Variants in PTCH1 observed in about 807,000 individuals in gnomAD.
PTCH1 encodes the protein patched 1.
A neutral mutation model predicts 144.6 loss-of-function variants in PTCH1; 14 were observed. That is an observed-to-expected ratio of 0.10 (90% confidence interval 0.06 to 0.15). The LOEUF (loss-of-function observed/expected upper bound fraction) is 0.15, where lower values mean the gene tolerates loss of function less well. Among genes scored for constraint, PTCH1 ranks in the 10% least tolerant of loss-of-function variants. The pLI is 1.00. For missense variants in PTCH1, 1,623 were observed against 1,948.3 expected (o/e 0.83, Z 3.14); for synonymous variants, 833 against 793.6 (o/e 1.05, Z -0.83).
chr9:95,476,453 A>T lies in PTCH1; in HGVS notation c.1603-294T>A, dbSNP rs1841042590. ...AGTGGAGGGAGGTGATGGCTAAGTG[A>T]CAGACATCTCCAGAGAAGCAAATGC... On this transcript the variant is annotated intron_variant, in intron 11 of 23. Coordinates refer to ENST00000331920, the MANE Select transcript of PTCH1 (RefSeq NM_000264.5). This position sits in a 1 kb window ranked among gnomAD's most constrained non-coding sequence, Gnocchi z 4.6. Among the ~76,000 whole-genome samples, 1 of 152,214 alleles carries T rather than the reference A, an allele frequency of 6.6e-6. No individual in the cohort carries two copies. Among genetic ancestry groups the T allele is most frequent in the South Asian group, 2.1e-4 (1 of 4,834 alleles).
In PTCH1 at chr9:95,508,062, A is replaced by T. The variant is rs1368199768; in HGVS notation, c.201+99T>A. 4.5e-6 allele frequency: 7 copies of T among 1,566,832 alleles called. No homozygotes were observed. In the African/African-American group the frequency reaches 5.4e-5, roughly 12 times the overall value. ...GAGTGAGTGTGTGTGTGTGTGTGAG[A>T]GAGAGAGGAAGAGAGTGTGTGTGTT... On this transcript the variant is annotated intron_variant, in intron 1 of 23. Coordinates refer to ENST00000331920, the MANE Select transcript of PTCH1 (RefSeq NM_000264.5).
chr9:95,445,010 T>C lies in PTCH1; in HGVS notation c.*1383A>G, dbSNP rs1174685544. 1.3e-5 allele frequency: 2 copies of C among 152,170 alleles called. No homozygotes were observed. The highest frequency in any genetic ancestry group is 4.8e-5 in the African/African-American group (2 of 41,434). 9.4% of individuals were successfully genotyped at this position (152,170 alleles called of 1,614,324 possible). On this transcript the variant is annotated 3_prime_UTR_variant, in exon 24 of 24. Coordinates refer to ENST00000331920, the MANE Select transcript of PTCH1 (RefSeq NM_000264.5). ...AATGACGGGGAGGATGGAGACAATG[T>C]TTGGATTTACTTAGGAAGCACGTAC... is the stretch of plus-strand genomic sequence containing the variant.
chr9:95,514,948 G>C (rs1844300177), intron 1 of PTCH1, among the ~76,000 whole-genome samples: 1 of 152,178 alleles, frequency 6.6e-6, no homozygotes, highest in African/African-American at 2.4e-5. Flanking sequence ...AATTGAAACA[G>C]ATCATGGACT....
At chr9:95,504,899 G>C (rs1843442339) in intron 2 of PTCH1, among the ~76,000 whole-genome samples, 1 of 152,128 alleles carries the variant, frequency 6.6e-6, no homozygotes, top group African/African-American at 2.4e-5. Flanking sequence ...CACAGTGCTA[G>C]GGACATCATA....
At chr9:95,505,176 A>C (rs531905033) in intron 2 of PTCH1, among the ~76,000 whole-genome samples, 1 of 152,332 alleles carries the variant, frequency 6.6e-6, no homozygotes, top group Non-Finnish European at 1.5e-5. Flanking sequence ...CTTCACAAAC[A>C]AGGAGAGATT....
Position 95,507,486 on chromosome 9 carries a change from G to A in PTCH1, c.201+675C>T, listed in dbSNP as rs1843776879. The A allele has an allele frequency of 3.1e-6, 3 of 966,178 alleles. No homozygotes were observed. The African/African-American group carries it at 5.3e-5, about 17-fold the overall frequency. 59.9% of individuals were successfully genotyped at this position (966,178 alleles called of 1,614,324 possible). ...CCCGGCAGCTCCGCAGACTCGCACCGCGAATTTAAGGTGGCAATTTGTTTA... is the reference window on the plus strand; with the variant it reads ...CCCGGCAGCTCCGCAGACTCGCACCACGAATTTAAGGTGGCAATTTGTTTA... On this transcript the variant is annotated intron_variant, in intron 1 of 23. Coordinates refer to ENST00000331920, the MANE Select transcript of PTCH1 (RefSeq NM_000264.5).
chr9:95,456,454 C>T (rs780583526), intron 18 of PTCH1, 41 bp from the exon 19 acceptor site: 65 of 1,608,408 alleles, frequency 4.0e-5, no homozygotes, highest in Non-Finnish European at 5.3e-5. Flanking sequence ...GGGCAGGTCA[C>T]CCTCTGGGGC....
intron 2 of PTCH1, among the ~76,000 whole-genome samples, chr9:95,501,530 T>G (rs1843149093): frequency 7.4e-6 from 1 of 136,034 alleles, no homozygotes; most frequent in Non-Finnish European, 1.6e-5. Context: ...CAATTTCTTC[T>G]ATTTTTCTTA....
chr9:95,471,093 A>G (rs1262943464), intron 12 of PTCH1, among the ~76,000 whole-genome samples: 1 of 119,840 alleles, frequency 8.3e-6, no homozygotes, highest in Non-Finnish European at 1.8e-5. Context: ...AAAAAAAAAA[A>G]AGAAAGAAAG....
At position 95,474,152 on chromosome 9, in the gene PTCH1, G is replaced by A. The variant is rs754375016; in HGVS notation, c.1728+1882C>T. 8 of 450,776 alleles carry A rather than the reference G, an allele frequency of 1.8e-5. No individual in the cohort carries two copies. In the Middle Eastern group the frequency reaches 1.0e-3, roughly 57 times the overall value. 27.9% of individuals were successfully genotyped at this position (450,776 alleles called of 1,614,324 possible). On this transcript the variant is annotated intron_variant, in intron 12 of 23. Coordinates refer to ENST00000331920, the MANE Select transcript of PTCH1 (RefSeq NM_000264.5). Reference sequence around the variant, plus strand: ...TGAGCCATCAGTATGTACTAAGAGAGGAGAGGAGAGAATGAGAGAGAAAAG... The same window carrying A: ...TGAGCCATCAGTATGTACTAAGAGAAGAGAGGAGAGAATGAGAGAGAAAAG...
upstream of PTCH1, among the ~76,000 whole-genome samples, chr9:95,513,736 GATTC>G (rs917456176): frequency 6.6e-6 from 1 of 152,120 alleles, no homozygotes; most frequent in African/African-American, 2.4e-5. Flanking sequence ...GGTGGGGGGA[GATTC>G]AGCAGCTACA....
At chr9:95,512,552 T>C (rs1844208315), upstream of PTCH1, among the ~76,000 whole-genome samples, 1 of 152,222 alleles carries the variant, frequency 6.6e-6, no homozygotes, top group African/African-American at 2.4e-5. Context: ...ATTTGCCTCA[T>C]TGCTGATGCA....
At position 95,459,747 on chromosome 9, in the gene PTCH1, T is replaced by C. The variant is rs1441750517; in HGVS notation, c.2740A>G (p.Ile914Val). 6.2e-7 allele frequency: 1 copy of C among 1,614,094 alleles called. No homozygotes were observed. Among genetic ancestry groups the C allele is most frequent in the African/African-American group, 1.3e-5 (1 of 74,942 alleles). The part of the protein sequence containing the change: ...KQRLVDADGI[I>V]NPSAFYIYLT... ...TAGATGTAGAAAGCGCTGGGATTAATGATGCCATCTGCATCCACCAGACGC... is the reference window on the plus strand; with the variant it reads ...TAGATGTAGAAAGCGCTGGGATTAACGATGCCATCTGCATCCACCAGACGC... Residue 914 changes from isoleucine to valine, a missense_variant, in exon 17 of 24, where the codon ATT becomes GTT. Ile to Val is a conservative substitution (Grantham distance 29). Transcript: ENST00000331920.
intron 10 of PTCH1, among the ~76,000 whole-genome samples, chr9:95,477,221 G>A (rs3780573): frequency 0.11 from 17,158 of 152,208 alleles, 1,132 homozygotes; most frequent in African/African-American, 0.18. Context: ...TGGGGGTGGG[G>A]CCTGGCAATC....
intron 2 of PTCH1, among the ~76,000 whole-genome samples, chr9:95,492,676 C>T (rs1842499379): frequency 1.3e-5 from 2 of 151,856 alleles, no homozygotes; most frequent in Non-Finnish European, 2.9e-5. Flanking sequence ...CTTCTGGTCC[C>T]AAACATTTTG....
At position 95,449,283 on chromosome 9, in the gene PTCH1, G is replaced by C. The variant is rs1588517764; in HGVS notation, c.3590C>G (p.Ser1197Cys). 6.4e-7 allele frequency: 1 copy of C among 1,560,182 alleles called. No individual in the cohort carries two copies. Among genetic ancestry groups the C allele is most frequent in the Admixed American group, 1.9e-5 (1 of 51,544 alleles). ...GACCACGCTGGGGGGTGGCTCAGGG[G>C]AGGGTGTGGGCAGGCGGTTCAAGCC... ...ANGLNRLPTP[S>C]PEPPPSVVRF... Residue 1197 changes from serine to cysteine, a missense_variant, in exon 22 of 24, where the codon TCC becomes TGC. Ser to Cys is a moderately radical substitution (Grantham distance 112). Transcript: ENST00000331920. The surrounding 1 kb of genome is among the most constrained non-coding windows in gnomAD (Gnocchi z 5.3).
At chr9:95,454,053 G>C (rs942529741) in intron 19 of PTCH1, among the ~76,000 whole-genome samples, 4 of 152,158 alleles carry the variant, frequency 2.6e-5, no homozygotes, top group Non-Finnish European at 5.9e-5. Flanking sequence ...ACTTCCTCAC[G>C]ATTATGCAGA....
Position 95,501,556 on chromosome 9 carries a change from C to A in PTCH1, c.394+4851G>T, listed in dbSNP as rs1398356988. On this transcript the variant is annotated intron_variant, in intron 2 of 23. Coordinates refer to ENST00000331920, the MANE Select transcript of PTCH1 (RefSeq NM_000264.5). ...ATTTTTCTTAAAAAAAAAAAAAAGT[C>A]AAAGTCACAACTTGCCTCCTTCTTC... 4.7e-5 allele frequency among the ~76,000 whole-genome samples: 7 copies of A among 147,842 alleles called. 1 individual carries two copies. In the South Asian group the frequency reaches 6.4e-4, roughly 14 times the overall value.
At chr9:95,497,180 TATTA>T (rs773652973) in intron 2 of PTCH1, among the ~76,000 whole-genome samples, 2 of 152,136 alleles carry the variant, frequency 1.3e-5, no homozygotes, top group African/African-American at 4.8e-5. Flanking sequence ...AACATGTTCG[TATTA>T]ATTTTTAAAA....
Sources: allele counts gnomAD v4.1 joint callset (sites outside exome capture counted in the v4.1 genomes callset), GRCh38; gene constraint gnomAD v4.1.1; non-coding constraint Gnocchi (gnomAD v3.1); transcripts MANE v1.5; gene names NCBI Gene and HGNC (gene_info 2026-07-23, HGNC 2026-07-21).